GAS2: variants seen among roughly 807,000 people sequenced by gnomAD.
The protein encoded by GAS2 is growth arrest-specific protein 2.
In GAS2, 20 loss-of-function variants were observed where a neutral mutation model predicts 37.5. The observed-to-expected ratio is 0.53, with a 90% CI of 0.37 to 0.77. The LOEUF is 0.77. Among genes scored for constraint, GAS2 ranks in the 30% least tolerant of loss-of-function variants. The probability of loss-of-function intolerance (pLI) is 0.00; values close to 1 mark genes in which losing one functional copy is unlikely to be tolerated. For synonymous variants in GAS2, 144 were observed against 132.2 expected (o/e 1.09, Z -0.61); for missense variants, 336 against 373.4 (o/e 0.90, Z 0.82).
intron 3 of GAS2, among the ~76,000 whole-genome samples, chr11:22,697,095 T>C (rs1314678393): frequency 6.6e-6 from 1 of 152,232 alleles, no homozygotes; most frequent in Non-Finnish European, 1.5e-5. Flanking sequence ...TTTAAGTCTT[T>C]AATCCATCTT....
Position 22,675,020 on chromosome 11 carries a change from G to A in GAS2, c.145+6G>A. On this transcript the variant is annotated splice_donor_region_variant and intron_variant, in intron 2 of 7. Transcript: ENST00000454584. ...GTGGTTAACCAATCTATTAGGTAAG[G>A]TTATAAGATCTCATTTTGTGAGCAA... 6.2e-7 allele frequency: 1 copy of A among 1,611,848 alleles called. No individual in the cohort carries two copies. Among genetic ancestry groups the A allele is most frequent in the African/African-American group, 1.3e-5 (1 of 74,930 alleles).
Position 22,712,082 on chromosome 11 carries a change from G to T in GAS2, c.268-14210G>T, listed in dbSNP as rs376832887. Among the ~76,000 whole-genome samples, 19 of 152,224 alleles carry T rather than the reference G, an allele frequency of 1.2e-4. 1 individual carries two copies. The East Asian group carries it at 3.5e-3, about 28-fold the overall frequency. On this transcript the variant is annotated intron_variant, in intron 3 of 7. Coordinates refer to ENST00000454584, the MANE Select transcript of GAS2 (RefSeq NM_001143830.3). ...TCTTTAAAGCACCACCTCCTGGCTG[G>T]AGGCCAACCAACTCAAGTCATTACA...
intron 7 of GAS2, among the ~76,000 whole-genome samples, chr11:22,788,835 A>G (rs989546855): frequency 3.9e-5 from 6 of 152,084 alleles, no homozygotes; most frequent in Non-Finnish European, 7.4e-5. Flanking sequence ...CTAAAATTCC[A>G]TTTTCTTCAA....
chr11:22,682,200 T>C (rs1849713965), intron 2 of GAS2, among the ~76,000 whole-genome samples: 1 of 152,094 alleles, frequency 6.6e-6, no homozygotes, highest in Admixed American at 6.6e-5. Context: ...TTTTTACAAG[T>C]ATTCATGAAA....
intron 3 of GAS2, among the ~76,000 whole-genome samples, chr11:22,710,768 G>A (rs1188316721): frequency 1.3e-5 from 2 of 152,034 alleles, no homozygotes; most frequent in African/African-American, 2.4e-5. Context: ...ACTCAGCTGT[G>A]ACTTAAGGGT....
chr11:22,694,331 A>T (rs1350833821), intron 3 of GAS2, among the ~76,000 whole-genome samples: 1 of 152,136 alleles, frequency 6.6e-6, no homozygotes. Context: ...GCCTCTGGAA[A>T]TTAAGTGCCA....
intron 1 of GAS2, among the ~76,000 whole-genome samples, chr11:22,648,117 A>G (rs1848725935): frequency 2.6e-5 from 4 of 152,284 alleles, no homozygotes; most frequent in Admixed American, 2.6e-4. Flanking sequence ...GTAAGGAAGG[A>G]ATCCAGTTTC....
At chr11:22,782,766 CTTTTTT>C (rs34122574) in intron 7 of GAS2, among the ~76,000 whole-genome samples, 56 of 113,842 alleles carry the variant, frequency 4.9e-4, no homozygotes, top group Non-Finnish European at 5.1e-4. Context: ...TGATTTTGTT[CTTTTTT>C]TTTTTTTTTT....
chr11:22,805,694 G>A (rs1856851276), intron 7 of GAS2, among the ~76,000 whole-genome samples: 1 of 152,108 alleles, frequency 6.6e-6, no homozygotes, highest in South Asian at 2.1e-4. Flanking sequence ...TAAAGTGAAA[G>A]CAAGTATGTT....
chr11:22,719,886 A>G (rs1851865953), intron 3 of GAS2, among the ~76,000 whole-genome samples: 1 of 152,078 alleles, frequency 6.6e-6, no homozygotes, highest in African/African-American at 2.4e-5. Context: ...GTTGTTTCCA[A>G]CGAACAGAAC....
intron 3 of GAS2, among the ~76,000 whole-genome samples, chr11:22,723,901 A>T (rs1047293798): frequency 6.6e-5 from 10 of 151,434 alleles, no homozygotes; most frequent in Non-Finnish European, 1.2e-4. Context: ...ATTTTTTTTT[A>T]AATTTGGTAG....
chr11:22,652,456 G>C (rs1028722637), intron 1 of GAS2, among the ~76,000 whole-genome samples: 3 of 152,200 alleles, frequency 2.0e-5, no homozygotes, highest in African/African-American at 7.2e-5. Context: ...CATCCAGTTA[G>C]AGCTTCCCGG....
chr11:22,783,033 A>G (rs780675112), intron 7 of GAS2, among the ~76,000 whole-genome samples: 5 of 152,274 alleles, frequency 3.3e-5, no homozygotes, highest in African/African-American at 4.8e-5. Flanking sequence ...ACTGGTCTTT[A>G]CAGAGGCTGG....
chr11:22,743,218 A>T (rs1159956001), intron 5 of GAS2, among the ~76,000 whole-genome samples: 9 of 152,052 alleles, frequency 5.9e-5, no homozygotes, highest in African/African-American at 2.2e-4. Context: ...ACTACAGTAA[A>T]TTTTTTGGTA....
intron 5 of GAS2, among the ~76,000 whole-genome samples, chr11:22,738,314 G>T (rs111462879): frequency 6.6e-6 from 1 of 151,812 alleles, no homozygotes; most frequent in African/African-American, 2.4e-5. Flanking sequence ...TTTGAAACCT[G>T]TTTTTTTTCT....
intron 3 of GAS2, among the ~76,000 whole-genome samples, chr11:22,716,661 A>G (rs1346340166): frequency 1.3e-5 from 2 of 152,016 alleles, no homozygotes; most frequent in African/African-American, 4.8e-5. Context: ...AAAAAAAGAA[A>G]AAAAGAAATA....
chr11:22,661,437 C>CA, intron 1 of GAS2, among the ~76,000 whole-genome samples: 1 of 152,230 alleles, frequency 6.6e-6, no homozygotes, highest in South Asian at 2.1e-4. Context: ...CTCTAGGACT[C>CA]ACAATTTGGT....
chr11:22,682,104 C>T (rs939907732), intron 2 of GAS2, among the ~76,000 whole-genome samples: 6 of 151,920 alleles, frequency 3.9e-5, no homozygotes, highest in Admixed American at 3.3e-4. Context: ...AAAAAAAACT[C>T]ACCTTTCAGA....
intron 1 of GAS2, among the ~76,000 whole-genome samples, chr11:22,641,118 C>A (rs995304253): frequency 6.6e-6 from 1 of 150,528 alleles, no homozygotes; most frequent in Non-Finnish European, 1.5e-5. Context: ...CATTAGCAAG[C>A]AGTCGGAAGG....
Sources: allele counts gnomAD v4.1 joint callset (sites outside exome capture counted in the v4.1 genomes callset), GRCh38; gene constraint gnomAD v4.1.1; transcripts MANE v1.5; gene names NCBI Gene and HGNC (gene_info 2026-07-23, HGNC 2026-07-21).